The following FTCDNL1 variants were observed in gnomAD, a reference collection of about 807,000 sequenced individuals.
The protein encoded by FTCDNL1 is formiminotransferase N-terminal subdomain-containing protein.
A neutral mutation model predicts 5.9 loss-of-function variants in FTCDNL1; 11 were observed. The observed-to-expected ratio is 1.87, with a 90% CI of 1.18 to 3.10. The LOEUF is 3.10. Among genes scored for constraint, FTCDNL1 ranks in the 30% most tolerant of loss-of-function variants. The pLI is 0.00. For synonymous variants in FTCDNL1, 58 were observed against 24.8 expected (o/e 2.34, Z -3.99); for missense variants, 115 against 65.5 (o/e 1.76, Z -2.61).
chr2:199,677,771 C>G, the FTCDNL1 span, among the ~76,000 whole-genome samples: 1 of 152,096 alleles, frequency 6.6e-6, no homozygotes, highest in Non-Finnish European at 1.5e-5. Context: ...TGCTCATAAG[C>G]CAAAGCTTAC....
At chr2:199,679,193 A>G in the FTCDNL1 span, among the ~76,000 whole-genome samples, 1 of 152,044 alleles carries the variant, frequency 6.6e-6, no homozygotes. Flanking sequence ...TTTTTATATG[A>G]ACATTATTGT....
the FTCDNL1 span, among the ~76,000 whole-genome samples, chr2:199,670,579 G>C: frequency 3.3e-5 from 5 of 152,106 alleles, no homozygotes; most frequent in Admixed American, 3.3e-4. Flanking sequence ...GTGACTGATG[G>C]GGGTTGATGG....
rs1304823345 is a variant in FTCDNL1 at position 199,811,168 on chromosome 2, T to C, written c.*1537A>G. ...AAAAATTAAATTTCCTAACAGTCAA[T>C]ACATCTCTCTCTCATCATCTCATGT... On this transcript the variant is annotated 3_prime_UTR_variant, in exon 5 of 5. Transcript: ENST00000420128. Among the ~76,000 whole-genome samples, 1 of 152,216 alleles carries C rather than the reference T, an allele frequency of 6.6e-6. No homozygotes were observed. Among genetic ancestry groups the C allele is most frequent in the African/African-American group, 2.4e-5 (1 of 41,462 alleles).
intron 3 of FTCDNL1, among the ~76,000 whole-genome samples, chr2:199,795,270 T>G (rs888490723): frequency 1.3e-5 from 2 of 152,210 alleles, no homozygotes; most frequent in Non-Finnish European, 2.9e-5. Context: ...CTTGTTAGGC[T>G]AGATCAGACG....
At chr2:199,781,157 C>G (rs1002779914) in intron 3 of FTCDNL1, among the ~76,000 whole-genome samples, 1 of 152,194 alleles carries the variant, frequency 6.6e-6, no homozygotes, top group Non-Finnish European at 1.5e-5. Context: ...CTCAGACCTC[C>G]TTGTCTTTGG....
chr2:199,831,376 T>C (rs948508309), intron 3 of FTCDNL1, among the ~76,000 whole-genome samples: 1 of 152,186 alleles, frequency 6.6e-6, no homozygotes, highest in African/African-American at 2.4e-5. Context: ...TATTCAAGAA[T>C]GTTCATCATT....
chr2:199,709,467 C>T, the FTCDNL1 span, among the ~76,000 whole-genome samples: 1 of 152,020 alleles, frequency 6.6e-6, no homozygotes, highest in Non-Finnish European at 1.5e-5. Flanking sequence ...AAGCAAAAAA[C>T]TGAGTCTTGA....
At chr2:199,705,717 C>G in the FTCDNL1 span, among the ~76,000 whole-genome samples, 1 of 151,664 alleles carries the variant, frequency 6.6e-6, no homozygotes, top group African/African-American at 2.4e-5. Context: ...TGTAGATGCA[C>G]TTTATCAAGT....
At chr2:199,832,037 G>A (rs1030448563) in intron 3 of FTCDNL1, among the ~76,000 whole-genome samples, 5 of 152,090 alleles carry the variant, frequency 3.3e-5, no homozygotes, top group African/African-American at 1.2e-4. Flanking sequence ...AAAGTATATA[G>A]TATATCAGGA....
intron 3 of FTCDNL1, among the ~76,000 whole-genome samples, chr2:199,800,681 A>G (rs1166577316): frequency 6.6e-6 from 1 of 152,246 alleles, no homozygotes; most frequent in African/African-American, 2.4e-5. Flanking sequence ...AACAGAATAT[A>G]AAATAACTCA....
the FTCDNL1 span, among the ~76,000 whole-genome samples, chr2:199,699,180 A>G: frequency 9.2e-5 from 14 of 152,276 alleles, no homozygotes; most frequent in Middle Eastern, 6.8e-3. Context: ...TATAAAGAAG[A>G]GCTGCGCCAG....
intron 3 of FTCDNL1, among the ~76,000 whole-genome samples, chr2:199,790,616 T>C (rs1269582207): frequency 6.6e-6 from 1 of 152,132 alleles, no homozygotes; most frequent in Non-Finnish European, 1.5e-5. Flanking sequence ...AATAAATGCC[T>C]ATTCAAATAT....
chr2:199,781,340 T>C (rs1282605516), intron 3 of FTCDNL1, among the ~76,000 whole-genome samples: 3 of 152,062 alleles, frequency 2.0e-5, no homozygotes, highest in Admixed American at 1.3e-4. Context: ...TGACAGGAGG[T>C]ATATGATGTA....
chr2:199,666,500 A>G, the FTCDNL1 span, among the ~76,000 whole-genome samples: 90 of 152,308 alleles, frequency 5.9e-4, no homozygotes, highest in Non-Finnish European at 1.0e-3. Flanking sequence ...TTGACATCCA[A>G]CTGTCAAAAA....
Position 199,791,120 on chromosome 2 carries a change from G to A in FTCDNL1, c.212-30285C>T, listed in dbSNP as rs572614213. On this transcript the variant is annotated intron_variant, in intron 3 of 3. Coordinates refer to the FTCDNL1 transcript ENST00000416668. ...AAAAGGAATAAATAGGAACTATTAC[G>A]TATCAATTAATTCAGAACTATTTCC... is the stretch of plus-strand genomic sequence containing the variant. Among the ~76,000 whole-genome samples the A allele has an allele frequency of 5.9e-5, 9 of 152,184 alleles. No individual in the cohort carries two copies. The South Asian group carries it at 1.0e-3, about 18-fold the overall frequency.
At chr2:199,664,881 T>C in the FTCDNL1 span, among the ~76,000 whole-genome samples, 1 of 152,222 alleles carries the variant, frequency 6.6e-6, no homozygotes, top group African/African-American at 2.4e-5. Context: ...TTTACTCGCC[T>C]GCTGCCAATA....
chr2:199,818,539 C>T (rs138232892), intron 4 of FTCDNL1: 22 of 151,776 alleles, frequency 1.4e-4, no homozygotes, highest in African/African-American at 4.1e-4. Flanking sequence ...CAAGGAACCA[C>T]GGTCACACAG....
chr2:199,714,157 T>C, the FTCDNL1 span, among the ~76,000 whole-genome samples: 1 of 152,196 alleles, frequency 6.6e-6, no homozygotes, highest in African/African-American at 2.4e-5. Context: ...TATGTTTATG[T>C]ATGCAATGAT....
chr2:199,768,216 C>A (rs909131009), intron 3 of FTCDNL1, among the ~76,000 whole-genome samples: 4 of 152,228 alleles, frequency 2.6e-5, no homozygotes, highest in Admixed American at 6.5e-5. Flanking sequence ...TTAACAAAAA[C>A]CAAAATCAAT....
Sources: allele counts gnomAD v4.1 joint callset (sites outside exome capture counted in the v4.1 genomes callset), GRCh38; gene constraint gnomAD v4.1.1; transcripts MANE v1.5; gene names NCBI Gene and HGNC (gene_info 2026-07-23, HGNC 2026-07-21).